The following INSIG2 variants were observed in gnomAD, a reference collection of about 807,000 sequenced individuals.
INSIG2 encodes the protein insulin induced gene 2.
Under a neutral mutation model 27.2 loss-of-function variants are expected in INSIG2, and 10 were observed. That is an observed-to-expected ratio of 0.37 (90% confidence interval 0.23 to 0.62). INSIG2 has a LOEUF of 0.62. Among genes scored for constraint, INSIG2 ranks in the 20% least tolerant of loss-of-function variants. The pLI is 0.65. For missense variants in INSIG2, 178 were observed against 270.2 expected, an observed-to-expected ratio of 0.66 and a Z score of 2.39; for synonymous variants, 97 against 95.8, an observed-to-expected ratio of 1.01 and a Z score of -0.07.
At chr2:118,107,467 G>T (rs1037755934) in intron 5 of INSIG2, among the ~76,000 whole-genome samples, 2 of 152,108 alleles carry the variant, frequency 1.3e-5, no homozygotes, top group African/African-American at 4.8e-5. Flanking sequence ...TAATCTACAG[G>T]TCTCCCACTA....
intron 2 of INSIG2, among the ~76,000 whole-genome samples, chr2:118,099,152 G>A (rs558962919): frequency 1.9e-4 from 29 of 152,344 alleles, no homozygotes; most frequent in African/African-American, 6.5e-4. Context: ...GTTTGTGTGT[G>A]TATGTAATAT....
At chr2:118,093,826 C>T (rs1467807411) in intron 1 of INSIG2, among the ~76,000 whole-genome samples, 1 of 122,662 alleles carries the variant, frequency 8.2e-6, no homozygotes, top group African/African-American at 3.2e-5. Flanking sequence ...TCTGTAGCTA[C>T]TGAACCTTGC....
chr2:118,096,777 C>A lies in INSIG2; in HGVS notation c.221C>A (p.Pro74His). 1 of 1,613,516 alleles carries A rather than the reference C, an allele frequency of 6.2e-7. No individual in the cohort carries two copies. Reference protein sequence around the residue: ...ASIFSSAWWVPPCCGTASAVI... With the variant: ...ASIFSSAWWVHPCCGTASAVI... ...ATCTTTTCTTCTGCATGGTGGGTAC[C>A]CCCATGCTGTGGCACGGCTTCAGGT... is the stretch of plus-strand genomic sequence containing the variant. The change falls in exon 2 of 6, where the codon CCC becomes CAC. Residue 74 changes from proline (P) to histidine (H), a missense_variant. Physicochemically the swap from Pro to His is moderately conservative, Grantham distance 77. Coordinates refer to ENST00000245787, the MANE Select transcript of INSIG2 (RefSeq NM_016133.4).
At position 118,110,873 on chromosome 2, in the gene INSIG2, A is replaced by T. The variant is rs1265557316; in HGVS notation, c.*2551A>T. The T allele has an allele frequency of 2.0e-5, 3 of 152,230 alleles. No individual in the cohort carries two copies. Among genetic ancestry groups the T allele is most frequent in the Admixed American group, 2.0e-4 (3 of 15,282 alleles). The allele number at this position is 152,230 out of a possible 1,614,324, so 9.4% of individuals were successfully genotyped here. A position where few individuals can be genotyped will look rare whatever the true frequency, so the allele number is the denominator to read the frequency against. The stretch of plus-strand genomic sequence containing the variant: ...TTTAATGTAAAATTTATTTATTTGC[A>T]CTGAGCTGTTTTACCTTCTTTAAGG... On this transcript the variant is annotated 3_prime_UTR_variant, in exon 6 of 6. Transcript: ENST00000245787.
intron 4 of INSIG2, 53 bp downstream of exon 4, chr2:118,106,956 T>C (rs1425937621): frequency 6.3e-7 from 1 of 1,582,080 alleles, no homozygotes; most frequent in Non-Finnish European, 8.7e-7. Flanking sequence ...AAATAAATGA[T>C]AACCGCTTTC....
At chr2:118,103,112 TGTGGTG>T in intron 2 of INSIG2, 79 bp from the exon 3 acceptor site, 1 of 1,076,908 alleles carries the variant, frequency 9.3e-7, no homozygotes, top group African/African-American at 1.6e-5. Flanking sequence ...TTAAAATGCT[TGTGGTG>T]GTTGTAGTGA....
intron 5 of INSIG2, among the ~76,000 whole-genome samples, chr2:118,107,659 G>A (rs923455001): frequency 3.9e-5 from 6 of 152,172 alleles, no homozygotes; most frequent in Non-Finnish European, 5.9e-5. Flanking sequence ...AATCAGTGCT[G>A]TCACTTTTAC....
intron 3 of INSIG2, among the ~76,000 whole-genome samples, chr2:118,104,597 G>C (rs746620073): frequency 7.9e-5 from 12 of 152,144 alleles, no homozygotes; most frequent in Non-Finnish European, 1.2e-4. Flanking sequence ...AAATCACCTA[G>C]TTCCACATTT....
intron 1 of INSIG2, among the ~76,000 whole-genome samples, chr2:118,094,277 T>G (rs1487754638): frequency 4.7e-5 from 6 of 126,408 alleles, no homozygotes; most frequent in African/African-American, 6.3e-5. Flanking sequence ...GAAGGAGAGT[T>G]CTGTAGCTAC....
At chr2:118,096,954 G>T (rs1678422851) in intron 2 of INSIG2, among the ~76,000 whole-genome samples, 154 bp downstream of exon 2, 1 of 152,182 alleles carries the variant, frequency 6.6e-6, no homozygotes, top group Non-Finnish European at 1.5e-5. Context: ...TGAACAACTT[G>T]ATGTGTTTAG....
At chr2:118,094,672 G>A (rs564182350) in intron 1 of INSIG2, among the ~76,000 whole-genome samples, 85 of 152,292 alleles carry the variant, frequency 5.6e-4, no homozygotes, top group African/African-American at 2.0e-3. Flanking sequence ...TGAACACAGA[G>A]CTTTGATGTG....
At chr2:118,095,904 T>A (rs1678394318) in intron 1 of INSIG2, among the ~76,000 whole-genome samples, 2 of 152,196 alleles carry the variant, frequency 1.3e-5, no homozygotes, top group African/African-American at 4.8e-5. Context: ...ATAATAAACA[T>A]TAAAGCGGGT....
intron 1 of INSIG2, among the ~76,000 whole-genome samples, chr2:118,092,421 A>G (rs1017248569): frequency 2.6e-5 from 4 of 152,176 alleles, no homozygotes; most frequent in African/African-American, 9.6e-5. Context: ...GCAATTGTAT[A>G]GTCACCTGCT....
intron 2 of INSIG2, among the ~76,000 whole-genome samples, chr2:118,099,992 T>C (rs1678501093): frequency 6.6e-6 from 1 of 152,228 alleles, no homozygotes; most frequent in African/African-American, 2.4e-5. Context: ...GATTGCCCAT[T>C]GTCTGCAGGG....
chr2:118,097,069 C>T (rs1370622016), intron 2 of INSIG2, among the ~76,000 whole-genome samples: 2 of 152,118 alleles, frequency 1.3e-5, no homozygotes, highest in East Asian at 3.9e-4. Context: ...CCACCCCCAG[C>T]CTCAGGCTAC....
chr2:118,104,299 G>C (rs1678621272), intron 3 of INSIG2, among the ~76,000 whole-genome samples: 1 of 152,190 alleles, frequency 6.6e-6, no homozygotes, highest in Non-Finnish European at 1.5e-5. Context: ...AAAAAGTATT[G>C]AGGTGTTTTG....
At chr2:118,107,008 A>G in intron 4 of INSIG2, 82 bp from the exon 5 acceptor site, 2 of 1,462,600 alleles carry the variant, frequency 1.4e-6, no homozygotes, top group Non-Finnish European at 1.9e-6. Context: ...TTTAATCTAC[A>G]GAGTAGTTTA....
intron 1 of INSIG2, among the ~76,000 whole-genome samples, chr2:118,093,588 TGATGAG>T (rs1308648776): frequency 1.2e-4 from 2 of 17,042 alleles, no homozygotes; most frequent in Non-Finnish European, 2.4e-4. Context: ...ATGATGATGA[TGATGAG>T]GAGGAGGAGG....
intron 1 of INSIG2, among the ~76,000 whole-genome samples, chr2:118,094,024 AT>A (rs1266981964): frequency 3.7e-5 from 4 of 108,842 alleles, no homozygotes; most frequent in African/African-American, 7.2e-5. Context: ...GATGATGATG[AT>A]GATGATGATG....
Sources: gnomAD v4.1 joint callset for allele counts (sites outside exome capture counted in the v4.1 genomes callset) on GRCh38, gnomAD v4.1.1 for gene constraint, MANE v1.5 for transcripts, NCBI Gene and HGNC (gene_info 2026-07-23, HGNC 2026-07-21) for gene names.